The following NKAIN2 variants were observed in gnomAD, a reference collection of about 807,000 sequenced individuals.
The protein encoded by NKAIN2 is sodium/potassium-transporting ATPase subunit beta-1-interacting protein 2.
In NKAIN2, 14 loss-of-function variants were observed where a neutral mutation model predicts 32.6. The observed-to-expected ratio is 0.43, with a 90% CI of 0.28 to 0.67. The LOEUF is 0.67. Ranked by LOEUF, NKAIN2 falls within the 30% of genes least tolerant of loss-of-function variation. NKAIN2 has a pLI of 0.17. For synonymous variants in NKAIN2, 80 were observed against 87.2 expected (o/e 0.92, Z 0.46); for missense variants, 198 against 258.3 (o/e 0.77, Z 1.60).
At chr6:124,152,569 T>C (rs1400994819) in intron 1 of NKAIN2, among the ~76,000 whole-genome samples, 1 of 151,930 alleles carries the variant, frequency 6.6e-6, no homozygotes. Flanking sequence ...GGTAGGAATA[T>C]AGAGTAGTAC....
At chr6:124,716,704 C>A (rs1168826241) in intron 4 of NKAIN2, among the ~76,000 whole-genome samples, 1 of 152,154 alleles carries the variant, frequency 6.6e-6, no homozygotes, top group Non-Finnish European at 1.5e-5. Flanking sequence ...TGACTAGAAC[C>A]CTCTTCTCCT....
At chr6:124,131,120 C>T (rs374302323) in intron 1 of NKAIN2, among the ~76,000 whole-genome samples, 1 of 152,066 alleles carries the variant, frequency 6.6e-6, no homozygotes. Flanking sequence ...CCACGAGAAA[C>T]TTCTGAGTTG....
rs140708254 is a variant in NKAIN2, at chr6:124,363,501, A to G, written c.273+8154A>G. Among the ~76,000 whole-genome samples, 856 of 152,344 alleles carry G rather than the reference A, an allele frequency of 5.6e-3. 2 individuals are homozygous for G. Among genetic ancestry groups the G allele is most frequent in the Non-Finnish European group, 9.0e-3 (613 of 68,026 alleles). ...ACATAGGCAATTTTTCTGTTAAGGC[A>G]TTAGGCAAATTCTGTACCAGGCTAA... On this transcript the variant is annotated intron_variant, in intron 3 of 6. Transcript: ENST00000368417.
intron 1 of NKAIN2, among the ~76,000 whole-genome samples, chr6:123,950,774 T>C (rs1264230312): frequency 2.6e-5 from 4 of 152,012 alleles, no homozygotes; most frequent in African/African-American, 4.8e-5. Context: ...TGTTGTTTTT[T>C]AGTCCAATTT....
At chr6:124,479,797 G>C (rs1422214706) in intron 3 of NKAIN2, among the ~76,000 whole-genome samples, 1 of 151,286 alleles carries the variant, frequency 6.6e-6, no homozygotes, top group Non-Finnish European at 1.5e-5. Context: ...TTCAACTCAG[G>C]CATATAAAAG....
rs1781266549 is a variant in NKAIN2 at position 124,818,476 on chromosome 6, T to C, written c.617+8T>C. On this transcript the variant is annotated splice_region_variant and intron_variant, in intron 6 of 6. Transcript: ENST00000368417. ...ACTACAGCCTATGTACATGTAAGTA[T>C]TTTACTTGGAAGGTACTCTTCTGGG... The C allele has an allele frequency of 1.4e-6, 2 of 1,447,492 alleles. No homozygotes were observed. The highest frequency in any genetic ancestry group is 1.9e-6 in the Non-Finnish European group (2 of 1,033,808). The allele number at this position is 1,447,492 out of a possible 1,614,324, so 89.7% of individuals were successfully genotyped here.
chr6:124,405,164 G>A (rs1773794232), intron 3 of NKAIN2, among the ~76,000 whole-genome samples: 1 of 152,144 alleles, frequency 6.6e-6, no homozygotes, highest in African/African-American at 2.4e-5. Flanking sequence ...AAACATAGTC[G>A]AGTGTTAGAC....
At chr6:124,455,084 G>A (rs1776266670) in intron 3 of NKAIN2, among the ~76,000 whole-genome samples, 1 of 152,032 alleles carries the variant, frequency 6.6e-6, no homozygotes, top group Non-Finnish European at 1.5e-5. Context: ...TATCATGTAT[G>A]TTGAAATAAG....
intron 3 of NKAIN2, among the ~76,000 whole-genome samples, chr6:124,652,461 T>C (rs1334025929): frequency 6.6e-6 from 1 of 152,232 alleles, no homozygotes; most frequent in Non-Finnish European, 1.5e-5. Context: ...CCTCTACTCA[T>C]TACCTAGCTC....
chr6:124,663,861 G>T (rs969449750), intron 4 of NKAIN2, among the ~76,000 whole-genome samples: 4 of 152,096 alleles, frequency 2.6e-5, no homozygotes, highest in African/African-American at 9.7e-5. Context: ...AGTTGCTGCC[G>T]TTGAGTGTCA....
intron 1 of NKAIN2, among the ~76,000 whole-genome samples, chr6:124,182,288 A>G (rs1308339613): frequency 2.6e-5 from 4 of 152,210 alleles, no homozygotes; most frequent in African/African-American, 7.2e-5. Flanking sequence ...GCTACAACTC[A>G]AGATGAGATT....
chr6:124,422,422 C>T (rs1012593976), intron 3 of NKAIN2, among the ~76,000 whole-genome samples: 1 of 152,184 alleles, frequency 6.6e-6, no homozygotes, highest in Non-Finnish European at 1.5e-5. Flanking sequence ...CCATTGCCTG[C>T]ATGCCCTAAC....
At chr6:124,364,006 G>A (rs1445379184) in intron 3 of NKAIN2, among the ~76,000 whole-genome samples, 1 of 151,834 alleles carries the variant, frequency 6.6e-6, no homozygotes, top group Non-Finnish European at 1.5e-5. Flanking sequence ...AAAATAAACG[G>A]GAAAACTGGA....
chr6:124,066,862 TTGTGTGTGTGTG>T (rs10574288), intron 1 of NKAIN2, among the ~76,000 whole-genome samples: 27,250 of 149,640 alleles, frequency 0.18, 3,058 homozygotes, highest in African/African-American at 0.31. Flanking sequence ...TTTGCTGCGT[TTGTGTGTGTGTG>T]TGTGTGTGTG....
chr6:124,217,549 T>C (rs1281285072), intron 1 of NKAIN2, among the ~76,000 whole-genome samples: 1 of 152,096 alleles, frequency 6.6e-6, no homozygotes, highest in Non-Finnish European at 1.5e-5. Flanking sequence ...AAAGCACACA[T>C]TTCTTTATGT....
chr6:124,553,399 C>T (rs1780361895), intron 3 of NKAIN2, among the ~76,000 whole-genome samples: 1 of 152,150 alleles, frequency 6.6e-6, no homozygotes, highest in South Asian at 2.1e-4. Flanking sequence ...CCTCCGCCTC[C>T]CAGGTTCAAG....
chr6:124,383,774 A>T, intron 3 of NKAIN2, among the ~76,000 whole-genome samples: 1 of 152,102 alleles, frequency 6.6e-6, no homozygotes, highest in Non-Finnish European at 1.5e-5. Flanking sequence ...AAAAGCTTGG[A>T]CAATCAGCTA....
intron 1 of NKAIN2, among the ~76,000 whole-genome samples, chr6:124,050,765 A>T (rs1334206093): frequency 6.6e-6 from 1 of 152,088 alleles, no homozygotes; most frequent in Non-Finnish European, 1.5e-5. Context: ...AATGTAATTC[A>T]GTTGAAAGCA....
chr6:124,248,952 T>C (rs1033817867), intron 1 of NKAIN2, among the ~76,000 whole-genome samples: 3 of 152,132 alleles, frequency 2.0e-5, no homozygotes, highest in Admixed American at 6.6e-5. Context: ...TCCTATTCTA[T>C]ACACAGATGT....
Sources: gnomAD v4.1 joint callset for allele counts (sites outside exome capture counted in the v4.1 genomes callset) on GRCh38, gnomAD v4.1.1 for gene constraint, MANE v1.5 for transcripts, NCBI Gene and HGNC (gene_info 2026-07-23, HGNC 2026-07-21) for gene names.